AHI1: variants seen among roughly 807,000 people sequenced by gnomAD.
The protein encoded by AHI1 is Abelson helper integration site 1.
In AHI1, 123 loss-of-function variants were observed where a neutral mutation model predicts 149.3. The observed-to-expected ratio is 0.82, with a 90% CI of 0.71 to 0.96. The LOEUF is 0.96. Ranked by LOEUF, AHI1 falls within the 40% of genes least tolerant of loss-of-function variation. The probability of loss-of-function intolerance (pLI) is 0.00; values close to 1 mark genes in which losing one functional copy is unlikely to be tolerated. For synonymous variants in AHI1, 475 were observed against 459.8 expected (o/e 1.03, Z -0.42); for missense variants, 1,439 against 1,422.7 (o/e 1.01, Z -0.18).
chr6:135,462,054 T>A (rs1341208711), intron 8 of AHI1, among the ~76,000 whole-genome samples: 2 of 152,030 alleles, frequency 1.3e-5, no homozygotes. Context: ...GTATACTGCT[T>A]AGTGCTTTAT....
At chr6:135,401,578 C>G (rs1332029154) in intron 22 of AHI1, among the ~76,000 whole-genome samples, 2 of 151,428 alleles carry the variant, frequency 1.3e-5, no homozygotes, top group Non-Finnish European at 2.9e-5. Flanking sequence ...GGTGCCAACA[C>G]CAGTCAAAGG....
chr6:135,386,871 T>C (rs915216337), intron 23 of AHI1, among the ~76,000 whole-genome samples: 4 of 152,094 alleles, frequency 2.6e-5, no homozygotes, highest in African/African-American at 4.8e-5. Context: ...CCTCAGCTGA[T>C]TGGCCCACCT....
intron 15 of AHI1, chr6:135,435,168 C>T (rs981745313): frequency 1.3e-5 from 2 of 152,202 alleles, no homozygotes; most frequent in African/African-American, 2.4e-5. Flanking sequence ...TCTTTCAAAA[C>T]TCTCCTTGTC....
chr6:135,303,390 C>A (rs1006750273), intron 26 of AHI1, among the ~76,000 whole-genome samples: 1 of 152,070 alleles, frequency 6.6e-6, no homozygotes, highest in African/African-American at 2.4e-5. Context: ...GATAGATATA[C>A]CTTTTCCATA....
chr6:135,429,368 T>C (rs1784337525), intron 18 of AHI1, among the ~76,000 whole-genome samples: 1 of 151,632 alleles, frequency 6.6e-6, no homozygotes, highest in African/African-American at 2.4e-5. Flanking sequence ...TAGAAGTCCA[T>C]GTTGATTTTC....
intron 21 of AHI1, among the ~76,000 whole-genome samples, chr6:135,409,285 A>G (rs1304338804): frequency 6.6e-6 from 1 of 152,110 alleles, no homozygotes; most frequent in Non-Finnish European, 1.5e-5. Context: ...ATATTTTTAA[A>G]CAGAGAAATT....
chr6:135,349,547 C>A (rs1252803051), intron 24 of AHI1, among the ~76,000 whole-genome samples: 1 of 152,192 alleles, frequency 6.6e-6, no homozygotes, highest in Non-Finnish European at 1.5e-5. Context: ...AGATTCTGAT[C>A]TACTGACAAC....
At chr6:135,353,524 A>G (rs1300512561) in intron 24 of AHI1, among the ~76,000 whole-genome samples, 1 of 152,160 alleles carries the variant, frequency 6.6e-6, no homozygotes, top group Non-Finnish European at 1.5e-5. Context: ...AAAATATGAA[A>G]CAGCCATATT....
chr6:135,412,409 T>C (rs961645105), intron 20 of AHI1, among the ~76,000 whole-genome samples: 10 of 152,236 alleles, frequency 6.6e-5, no homozygotes, highest in Admixed American at 2.0e-4. Context: ...ACTCTATTTA[T>C]AGTGTTCTCT....
At chr6:135,296,275 G>C (rs935260334) in intron 27 of AHI1, among the ~76,000 whole-genome samples, 6 of 152,092 alleles carry the variant, frequency 3.9e-5, no homozygotes, top group African/African-American at 1.2e-4. Context: ...CCACCACCAA[G>C]TCTCACCTGG....
At chr6:135,341,746 G>A (rs1790406399) in intron 24 of AHI1, among the ~76,000 whole-genome samples, 1 of 151,744 alleles carries the variant, frequency 6.6e-6, no homozygotes, top group Non-Finnish European at 1.5e-5. Flanking sequence ...AAACCCCAGG[G>A]AAATTACAAG....
At chr6:135,293,392 C>CAAAAAAAAAAAAAAA in intron 27 of AHI1, among the ~76,000 whole-genome samples, 1 of 20,142 alleles carries the variant, frequency 5.0e-5, no homozygotes, top group Admixed American at 4.9e-4. Flanking sequence ...GTTAACAGGG[C>CAAAAAAAAAAAAAAA]AAAAAAAAAA....
In AHI1 at chr6:135,492,533, CA is replaced by C. The variant is rs1004046438; in HGVS notation, c.-54-243del. ...GAATAAAGTATTTATATATTTGAAACAAAAAAAACATTTTGAAGGCAGTGCA... is the reference window on the plus strand; with the variant it reads ...GAATAAAGTATTTATATATTTGAAACAAAAAAACATTTTGAAGGCAGTGCA... On this transcript the variant is annotated intron_variant, in intron 3 of 28. Coordinates refer to ENST00000265602, the MANE Select transcript of AHI1 (RefSeq NM_001134831.2). The C allele has an allele frequency of 1.1e-4, 105 of 982,084 alleles. 1 individual carries two copies. In the East Asian group the frequency reaches 1.8e-3, roughly 17 times the overall value. 60.8% of individuals were successfully genotyped at this position (982,084 alleles called of 1,614,324 possible). A position where few individuals can be genotyped will look rare whatever the true frequency, so the allele number is the denominator to read the frequency against.
At chr6:135,307,465 G>A (rs1461385484) in intron 26 of AHI1, among the ~76,000 whole-genome samples, 8 of 151,924 alleles carry the variant, frequency 5.3e-5, no homozygotes, top group Admixed American at 5.2e-4. Context: ...TCATCACTTT[G>A]AGTCTCACAA....
chr6:135,323,066 G>C, intron 25 of AHI1, 96 bp downstream of exon 25: 1 of 1,333,446 alleles, frequency 7.5e-7, no homozygotes, highest in Non-Finnish European at 1.0e-6. Flanking sequence ...ATATGCAAAG[G>C]TTACAAAGAC....
chr6:135,396,690 T>A (rs1355768053), intron 22 of AHI1, among the ~76,000 whole-genome samples: 1 of 151,844 alleles, frequency 6.6e-6, no homozygotes, highest in Non-Finnish European at 1.5e-5. Flanking sequence ...TTTGGAATCA[T>A]TTCTCAGTTT....
intron 3 of AHI1, among the ~76,000 whole-genome samples, chr6:135,493,269 GA>G (rs2128137561): frequency 6.6e-6 from 1 of 152,322 alleles, no homozygotes; most frequent in Non-Finnish European, 1.5e-5. Flanking sequence ...AAAGTGTTGG[GA>G]TTACAGGCGT....
chr6:135,488,046 A>G (rs1479798272), intron 5 of AHI1, among the ~76,000 whole-genome samples: 1 of 151,956 alleles, frequency 6.6e-6, no homozygotes, highest in Non-Finnish European at 1.5e-5. Flanking sequence ...ATATTTCTCC[A>G]TTGTCTTTTG....
intron 23 of AHI1, among the ~76,000 whole-genome samples, chr6:135,379,177 A>C (rs1776345000): frequency 6.6e-6 from 1 of 152,216 alleles, no homozygotes; most frequent in Non-Finnish European, 1.5e-5. Context: ...AGGCATTTCA[A>C]ACTTAATATA....
Sources: allele counts gnomAD v4.1 joint callset (sites outside exome capture counted in the v4.1 genomes callset), GRCh38; gene constraint gnomAD v4.1.1; transcripts MANE v1.5; gene names NCBI Gene and HGNC (gene_info 2026-07-23, HGNC 2026-07-21).